The following AK2 variants were observed in gnomAD, a reference collection of about 807,000 sequenced individuals.
AK2 encodes the protein adenylate kinase 2, mitochondrial.
A neutral mutation model predicts 24.6 loss-of-function variants in AK2; 15 were observed. The observed-to-expected ratio is 0.61, with a 90% confidence interval of 0.41 to 0.94. The LOEUF (loss-of-function observed/expected upper bound fraction) is 0.94, where lower values mean the gene tolerates loss of function less well. Among genes scored for constraint, AK2 ranks in the 40% least tolerant of loss-of-function variants. The probability of loss-of-function intolerance (pLI) is 0.00; values close to 1 mark genes in which losing one functional copy is unlikely to be tolerated. For synonymous variants in AK2, 102 were observed against 114.0 expected, an observed-to-expected ratio of 0.90 and a Z score of 0.67; for missense variants, 257 against 304.1, an observed-to-expected ratio of 0.85 and a Z score of 1.15.
At chr1:33,032,868 A>C (rs1029039132) in intron 1 of AK2, among the ~76,000 whole-genome samples, 2 of 152,218 alleles carry the variant, frequency 1.3e-5, no homozygotes, top group African/African-American at 2.4e-5. Flanking sequence ...CAGGAAAAAT[A>C]ATCCAATTTC....
intron 1 of AK2, chr1:33,031,939 T>G (rs1298386139): frequency 3.9e-6 from 1 of 254,506 alleles, no homozygotes; most frequent in East Asian, 9.6e-5. Context: ...TTATAGATGT[T>G]TTAAAACATT....
rs1638869091 is a variant in AK2 at position 33,012,267 on chromosome 1, C to T, written c.*914G>A. On this transcript the variant is annotated 3_prime_UTR_variant, in exon 6 of 6. Transcript: ENST00000672715. The stretch of plus-strand genomic sequence containing the variant: ...AGATCACAAAAATATTCCAATTTGG[C>T]CTGGCTCTTTTTATGACGATATCCT... 1.3e-6 allele frequency: 2 copies of T among 1,534,754 alleles called. No homozygotes were observed. The highest frequency in any genetic ancestry group is 4.9e-5 in the East Asian group (2 of 40,858).
chr1:33,016,994 C>A (rs1051624726), intron 4 of AK2, among the ~76,000 whole-genome samples: 2 of 151,380 alleles, frequency 1.3e-5, no homozygotes, highest in Non-Finnish European at 2.9e-5. Context: ...TGTGAGCCAC[C>A]GCGCCCGGTC....
chr1:33,027,760 A>G (rs950967184), intron 1 of AK2, among the ~76,000 whole-genome samples: 3 of 151,956 alleles, frequency 2.0e-5, no homozygotes, highest in Non-Finnish European at 2.9e-5. Flanking sequence ...AAAAAAAAAA[A>G]AAAAGAAAAA....
chr1:33,019,929 T>A, intron 4 of AK2: 1 of 1,407,924 alleles, frequency 7.1e-7, no homozygotes, highest in Non-Finnish European at 9.2e-7. Flanking sequence ...GATGGTTGGC[T>A]GACCACTTTC....
rs1489738390 is a variant in AK2, at chr1:33,011,855, C to A, written c.*1326G>T. The A allele has an allele frequency of 6.6e-7, 1 of 1,523,200 alleles. No homozygotes were observed. The highest frequency in any genetic ancestry group is 1.4e-5 in the African/African-American group (1 of 72,742). 94.4% of individuals were successfully genotyped at this position (1,523,200 alleles called of 1,614,324 possible). On this transcript the variant is annotated 3_prime_UTR_variant, in exon 6 of 6. Coordinates refer to ENST00000672715, the MANE Select transcript of AK2 (RefSeq NM_001625.4). ...TGGGTGATCTTTTCTTGGGGAAGTC[C>A]ATGGCTATAGCCATCATAAAATTAG...
intron 1 of AK2, chr1:33,031,874 C>A: frequency 3.8e-6 from 1 of 265,612 alleles, no homozygotes; most frequent in Non-Finnish European, 7.8e-6. Context: ...AGCATCCAAC[C>A]CCAAAAGGGA....
chr1:33,026,551 G>A (rs1382605752), intron 1 of AK2, among the ~76,000 whole-genome samples: 7 of 152,246 alleles, frequency 4.6e-5, no homozygotes, highest in Admixed American at 6.5e-5. Context: ...GCTCACGCCT[G>A]TAATCCCAGC....
rs775423294 is a variant in AK2, at chr1:33,008,305, G to A, written c.*4876C>T. The A allele has an allele frequency of 4.6e-5, 21 of 453,928 alleles. No individual in the cohort carries two copies. Among genetic ancestry groups the A allele is most frequent in the Admixed American group, 1.4e-4 (6 of 42,558 alleles). 28.1% of individuals were successfully genotyped at this position (453,928 alleles called of 1,614,324 possible). On this transcript the variant is annotated 3_prime_UTR_variant, in exon 6 of 6. Coordinates refer to ENST00000672715, the MANE Select transcript of AK2 (RefSeq NM_001625.4). The stretch of plus-strand genomic sequence containing the variant: ...TTGTCCAAGGTCGCATGGTGAAGTC[G>A]CTGTTGAAATCTGTCTTCTGACTCG...
intron 4 of AK2, among the ~76,000 whole-genome samples, chr1:33,018,092 T>G (rs1419195489): frequency 6.6e-6 from 1 of 152,176 alleles, no homozygotes; most frequent in Admixed American, 6.5e-5. Context: ...AAACACTTGT[T>G]TTCTCATCCA....
chr1:33,031,535 A>G (rs893307376), intron 1 of AK2: 3 of 455,024 alleles, frequency 6.6e-6, no homozygotes, highest in African/African-American at 6.0e-5. Flanking sequence ...GGTAGGAGAA[A>G]AATCTAACCT....
At chr1:33,035,100 G>A (rs1466260545) in intron 1 of AK2, among the ~76,000 whole-genome samples, 2 of 152,186 alleles carry the variant, frequency 1.3e-5, no homozygotes, top group Admixed American at 6.5e-5. Flanking sequence ...GCAAAAGTCT[G>A]CAGAGTCTAA....
At chr1:33,032,532 T>C (rs1332241180) in intron 1 of AK2, 1 of 152,206 alleles carries the variant, frequency 6.6e-6, no homozygotes, top group East Asian at 1.9e-4. Context: ...TTTCTCTTTA[T>C]AGAAATATTT....
chr1:33,024,008 T>C (rs1639710486), intron 2 of AK2: 1 of 245,366 alleles, frequency 4.1e-6, no homozygotes. Context: ...CCATCTCTAC[T>C]AAAAACATAA....
In AK2 at chr1:33,010,156, C is replaced by T. The variant is rs1471383631; in HGVS notation, c.*3025G>A. 1 of 454,272 alleles carries T rather than the reference C, an allele frequency of 2.2e-6. No individual in the cohort carries two copies. Among genetic ancestry groups the T allele is most frequent in the Non-Finnish European group, 4.4e-6 (1 of 226,818 alleles). The allele number at this position is 454,272 out of a possible 1,614,324, so 28.1% of individuals were successfully genotyped here. A position where few individuals can be genotyped will look rare whatever the true frequency, so the allele number is the denominator to read the frequency against. ...AGAAGGCAAGAGCATAGGATTGTGG[C>T]ATGTGCTGGGTAGCTGTGAGAGGTT... On this transcript the variant is annotated 3_prime_UTR_variant, in exon 6 of 6. Transcript: ENST00000672715.
chr1:33,011,941 C>A lies in AK2; in HGVS notation c.*1240G>T, dbSNP rs1227857323. ...GGCTTAAAAAGAACATATCTGATTT[C>A]AGTTTTATGTCCTGGAGAGAGACTG... On this transcript the variant is annotated 3_prime_UTR_variant, in exon 6 of 6. Coordinates refer to ENST00000672715, the MANE Select transcript of AK2 (RefSeq NM_001625.4). 1 of 1,533,848 alleles carries A rather than the reference C, an allele frequency of 6.5e-7. No homozygotes were observed. The highest frequency in any genetic ancestry group is 8.7e-7 in the Non-Finnish European group (1 of 1,146,314).
chr1:33,022,238 C>T (rs1454114737), intron 2 of AK2, among the ~76,000 whole-genome samples: 1 of 151,744 alleles, frequency 6.6e-6, no homozygotes, highest in Non-Finnish European at 1.5e-5. Context: ...GATGTGTGTA[C>T]TTGGTTACAC....
intron 4 of AK2, among the ~76,000 whole-genome samples, chr1:33,016,960 C>T (rs1463422356): frequency 6.6e-6 from 1 of 152,020 alleles, no homozygotes; most frequent in Non-Finnish European, 1.5e-5. Context: ...CCACCTCGGC[C>T]TCCCAAAGTG....
intron 5 of AK2, 150 bp downstream of exon 5, chr1:33,014,372 C>T: frequency 1.5e-6 from 1 of 663,024 alleles, no homozygotes. Flanking sequence ...TGACACAGGC[C>T]ATGTGATTTA....
Sources: gnomAD v4.1 joint callset for allele counts (sites outside exome capture counted in the v4.1 genomes callset) on GRCh38, gnomAD v4.1.1 for gene constraint, MANE v1.5 for transcripts, NCBI Gene and HGNC (gene_info 2026-07-23, HGNC 2026-07-21) for gene names.